Variants in DLG2 observed in about 807,000 individuals in gnomAD.
DLG2 encodes the protein discs large MAGUK scaffold protein 2.
In DLG2, 45 loss-of-function variants were observed where a neutral mutation model predicts 132.5. The observed-to-expected ratio is 0.34, with a 90% CI of 0.27 to 0.44. DLG2 has a LOEUF of 0.44. Among genes scored for constraint, DLG2 ranks in the 20% least tolerant of loss-of-function variants. DLG2 has a pLI of 1.00. For missense variants in DLG2, 1,045 were observed against 1,196.9 expected (o/e 0.87, Z 1.87); for synonymous variants, 424 against 419.6 (o/e 1.01, Z -0.13).
At chr11:85,438,972 G>A (rs765250062) in intron 3 of DLG2, among the ~76,000 whole-genome samples, 14 of 151,950 alleles carry the variant, frequency 9.2e-5, no homozygotes, top group Admixed American at 5.2e-4. Flanking sequence ...CTTTTTCTAC[G>A]CAGCATAATT....
At chr11:85,011,691 G>C (rs2154135538) in intron 6 of DLG2, among the ~76,000 whole-genome samples, 1 of 152,118 alleles carries the variant, frequency 6.6e-6, no homozygotes, top group South Asian at 2.1e-4. Flanking sequence ...TTCACTTCAT[G>C]GTTTTCAAAC....
intron 6 of DLG2, among the ~76,000 whole-genome samples, chr11:84,553,309 C>T (rs1303380618): frequency 6.6e-6 from 1 of 152,104 alleles, no homozygotes; most frequent in Non-Finnish European, 1.5e-5. Flanking sequence ...CTGTAATAGA[C>T]CCTGGTAATA....
chr11:83,724,758 G>C (rs2089643125), intron 18 of DLG2: 1 of 673,312 alleles, frequency 1.5e-6, no homozygotes, highest in Non-Finnish European at 2.7e-6. Context: ...GAAGGAAAGG[G>C]AGGAGAATCT....
At chr11:84,872,792 A>T (rs2085682381) in intron 6 of DLG2, among the ~76,000 whole-genome samples, 1 of 152,232 alleles carries the variant, frequency 6.6e-6, no homozygotes, top group Non-Finnish European at 1.5e-5. Flanking sequence ...TTGTAATTTA[A>T]GTTAACAAAT....
intron 3 of DLG2, among the ~76,000 whole-genome samples, chr11:85,308,060 A>G (rs2080067009): frequency 6.6e-6 from 1 of 152,044 alleles, no homozygotes; most frequent in South Asian, 2.1e-4. Flanking sequence ...AGGCTGAGGC[A>G]GGAGAATCGC....
At chr11:85,065,302 T>C (rs1386110559) in intron 6 of DLG2, among the ~76,000 whole-genome samples, 2 of 151,496 alleles carry the variant, frequency 1.3e-5, no homozygotes, top group African/African-American at 2.4e-5. Context: ...ACCTAGTCTA[T>C]GTAAAATGCA....
chr11:85,292,563 A>G (rs1014709684), intron 3 of DLG2, among the ~76,000 whole-genome samples: 1 of 150,470 alleles, frequency 6.6e-6, no homozygotes, highest in Non-Finnish European at 1.5e-5. Flanking sequence ...CCAAAGGGTC[A>G]TGCAAATTCC....
At chr11:84,726,591 T>C (rs1298531146) in intron 6 of DLG2, among the ~76,000 whole-genome samples, 2 of 152,288 alleles carry the variant, frequency 1.3e-5, no homozygotes, top group East Asian at 1.9e-4. Flanking sequence ...TATGTGTCTT[T>C]ATAGTAGAAT....
chr11:84,583,550 A>G (rs1397545647), intron 6 of DLG2, among the ~76,000 whole-genome samples: 3 of 152,240 alleles, frequency 2.0e-5, no homozygotes, highest in Non-Finnish European at 4.4e-5. Flanking sequence ...TGATGTATGC[A>G]AAAGAATACA....
intron 17 of DLG2, among the ~76,000 whole-genome samples, chr11:83,793,658 C>T (rs1314315154): frequency 6.6e-6 from 1 of 152,112 alleles, no homozygotes; most frequent in Non-Finnish European, 1.5e-5. Context: ...CCTAGGTAAC[C>T]TGGGGAAGTC....
At chr11:83,816,123 T>C (rs2048829630) in intron 17 of DLG2, among the ~76,000 whole-genome samples, 3 of 152,248 alleles carry the variant, frequency 2.0e-5, no homozygotes, top group Admixed American at 6.5e-5. Context: ...GATATCTTTA[T>C]AAAAATGCAG....
intron 8 of DLG2, among the ~76,000 whole-genome samples, chr11:84,185,555 C>T (rs1361883051): frequency 6.6e-6 from 1 of 152,096 alleles, no homozygotes; most frequent in Non-Finnish European, 1.5e-5. Context: ...TAATTGAATA[C>T]CCTTTATTTC....
chr11:83,617,234 A>G (rs1309230078), intron 19 of DLG2, among the ~76,000 whole-genome samples: 1 of 152,234 alleles, frequency 6.6e-6, no homozygotes, highest in African/African-American at 2.4e-5. Context: ...GAATCAATAT[A>G]TCAGTTTGGG....
intron 14 of DLG2, among the ~76,000 whole-genome samples, chr11:83,935,791 T>A (rs879864092): frequency 3.3e-5 from 5 of 152,234 alleles, no homozygotes; most frequent in Non-Finnish European, 5.9e-5. Context: ...TGCACAGACC[T>A]AAATTATTAT....
intron 3 of DLG2, among the ~76,000 whole-genome samples, chr11:85,391,594 C>T (rs2086803107): frequency 6.6e-6 from 1 of 152,084 alleles, no homozygotes; most frequent in Admixed American, 6.6e-5. Flanking sequence ...CCACCATGAT[C>T]AAGTGGATTT....
chr11:85,366,705 AAG>A (rs2084581363), intron 3 of DLG2, among the ~76,000 whole-genome samples: 2 of 152,156 alleles, frequency 1.3e-5, no homozygotes, highest in South Asian at 4.1e-4. Flanking sequence ...TTTGCTGGAT[AAG>A]AGAGTTAAAG....
At chr11:83,999,341 T>G (rs1013097710) in intron 11 of DLG2, among the ~76,000 whole-genome samples, 1 of 152,156 alleles carries the variant, frequency 6.6e-6, no homozygotes, top group Non-Finnish European at 1.5e-5. Context: ...CCTACCTGCA[T>G]GTACCACCTG....
chr11:84,829,546 AAGACC>A (rs1182157705), intron 6 of DLG2, among the ~76,000 whole-genome samples: 1 of 151,740 alleles, frequency 6.6e-6, no homozygotes, highest in Non-Finnish European at 1.5e-5. Flanking sequence ...GTAAAGTGGA[AAGACC>A]ACGGGCTTAA....
intron 6 of DLG2, among the ~76,000 whole-genome samples, chr11:85,051,969 T>G (rs183779714): frequency 2.6e-5 from 4 of 152,180 alleles, no homozygotes; most frequent in Admixed American, 6.5e-5. Flanking sequence ...ATCAAAGTGA[T>G]TAGTAGGTAA....
Sources: gnomAD v4.1 joint callset for allele counts (sites outside exome capture counted in the v4.1 genomes callset) on GRCh38, gnomAD v4.1.1 for gene constraint, MANE v1.5 for transcripts, NCBI Gene and HGNC (gene_info 2026-07-23, HGNC 2026-07-21) for gene names.